The following LEKR1 variants were observed in gnomAD, a reference collection of about 807,000 sequenced individuals.
LEKR1 encodes leucine, glutamate and lysine rich 1.
In LEKR1, 59 loss-of-function variants were observed where a neutral mutation model predicts 72.4. The ratio of observed to expected loss-of-function variants is 0.82; its 90% CI spans 0.66 to 1.01. The LOEUF (loss-of-function observed/expected upper bound fraction) is 1.01. LEKR1 is among the 50% of genes least tolerant of loss of function. The pLI, the probability that LEKR1 is intolerant of heterozygous loss-of-function variation, is 0.00. For synonymous variants in LEKR1, 257 were observed against 263.2 expected (o/e 0.98, Z 0.23); for missense variants, 728 against 759.2 (o/e 0.96, Z 0.48).
Position 156,923,565 on chromosome 3 carries a change from C to T in LEKR1, c.383+2871C>T, listed in dbSNP as rs143502844. Among the ~76,000 whole-genome samples, 484 of 152,118 alleles carry T rather than the reference C, an allele frequency of 3.2e-3. 1 individual carries two copies. Among genetic ancestry groups the T allele is most frequent in the Non-Finnish European group, 5.5e-3 (373 of 68,008 alleles). ...ATGGATATACCACATTTTATTTATCCATTTACCAGTTGATGGATATTTGGA... is the reference window on the plus strand; with the variant it reads ...ATGGATATACCACATTTTATTTATCTATTTACCAGTTGATGGATATTTGGA... On this transcript the variant is annotated intron_variant, in intron 4 of 12. Transcript: ENST00000356539.
chr3:157,002,765 TAAAG>T (rs1732112643), intron 9 of LEKR1, among the ~76,000 whole-genome samples: 2 of 152,324 alleles, frequency 1.3e-5, no homozygotes, highest in East Asian at 3.9e-4. Flanking sequence ...AGAAATGTCA[TAAAG>T]AACTTCATAA....
At chr3:156,895,694 A>G (rs1261846562) in intron 3 of LEKR1, among the ~76,000 whole-genome samples, 2 of 152,180 alleles carry the variant, frequency 1.3e-5, no homozygotes, top group Non-Finnish European at 2.9e-5. Context: ...GGCAATTATT[A>G]TAAAGTCAAA....
chr3:156,886,231 G>T (rs560522718), intron 3 of LEKR1, among the ~76,000 whole-genome samples: 1 of 152,092 alleles, frequency 6.6e-6, no homozygotes, highest in South Asian at 2.1e-4. Flanking sequence ...CAGGGAAGTG[G>T]GGGATAGCCA....
chr3:156,844,074 T>C (rs1454718255), intron 2 of LEKR1, among the ~76,000 whole-genome samples: 1 of 152,134 alleles, frequency 6.6e-6, no homozygotes, highest in Non-Finnish European at 1.5e-5. Context: ...TAGAAGGTCA[T>C]TGAGTTTACT....
intron 6 of LEKR1, among the ~76,000 whole-genome samples, chr3:156,958,217 A>C (rs1727825206): frequency 6.6e-6 from 1 of 152,126 alleles, no homozygotes; most frequent in Admixed American, 6.6e-5. Flanking sequence ...CAGGGTCCCC[A>C]TATAGAAATT....
intron 6 of LEKR1, among the ~76,000 whole-genome samples, chr3:156,953,387 G>A (rs2874492): frequency 0.51 from 76,825 of 151,234 alleles, 21,166 homozygotes; most frequent in East Asian, 0.73. Flanking sequence ...CATGCAGGAT[G>A]TGCAGGTTTG....
intron 5 of LEKR1, among the ~76,000 whole-genome samples, chr3:156,933,835 A>T (rs947149091): frequency 3.3e-5 from 5 of 152,206 alleles, no homozygotes; most frequent in Non-Finnish European, 7.3e-5. Context: ...AATAACAAAC[A>T]AGGAGACACT....
intron 2 of LEKR1, among the ~76,000 whole-genome samples, chr3:156,832,271 G>A (rs1358198669): frequency 6.6e-6 from 1 of 152,184 alleles, no homozygotes; most frequent in Non-Finnish European, 1.5e-5. Flanking sequence ...CTGACCTGAA[G>A]CCTTAAGGGA....
intron 3 of LEKR1, among the ~76,000 whole-genome samples, chr3:156,902,372 A>C (rs939846915): frequency 2.0e-4 from 30 of 152,166 alleles, no homozygotes; most frequent in African/African-American, 6.8e-4. Flanking sequence ...AGTGAATGTC[A>C]GAAATTATTT....
chr3:157,035,845 C>T (rs868578916), intron 12 of LEKR1, among the ~76,000 whole-genome samples: 6 of 152,254 alleles, frequency 3.9e-5, no homozygotes, highest in Non-Finnish European at 7.4e-5. Context: ...GTTGCAGTAG[C>T]GGAGATCACA....
At chr3:157,042,714 C>T (rs974583887) in intron 12 of LEKR1, among the ~76,000 whole-genome samples, 3 of 152,226 alleles carry the variant, frequency 2.0e-5, no homozygotes, top group African/African-American at 4.8e-5. Flanking sequence ...CTTGTCATCA[C>T]ATCCTCCATC....
intron 3 of LEKR1, among the ~76,000 whole-genome samples, chr3:156,897,691 G>A (rs1285506994): frequency 1.3e-5 from 2 of 152,168 alleles, no homozygotes; most frequent in Non-Finnish European, 2.9e-5. Flanking sequence ...GGTGGCTCAC[G>A]CCTGTAATCC....
intron 6 of LEKR1, among the ~76,000 whole-genome samples, chr3:156,963,019 T>G (rs1728258200): frequency 6.6e-6 from 1 of 151,966 alleles, no homozygotes; most frequent in Admixed American, 6.5e-5. Flanking sequence ...AATTCACCCC[T>G]CTCAGATAGT....
chr3:156,923,833 T>C (rs996439131), intron 4 of LEKR1, among the ~76,000 whole-genome samples: 16 of 152,064 alleles, frequency 1.1e-4, no homozygotes, highest in African/African-American at 3.9e-4. Context: ...GTTCACGCCA[T>C]TCTCCTGCCT....
At chr3:156,883,508 C>T (rs1719711258) in intron 3 of LEKR1, among the ~76,000 whole-genome samples, 1 of 152,160 alleles carries the variant, frequency 6.6e-6, no homozygotes, top group African/African-American at 2.4e-5. Context: ...TATGGTTTGT[C>T]TGTGTCCTCA....
intron 11 of LEKR1, 114 bp downstream of exon 11, chr3:157,025,038 C>G: frequency 4.4e-6 from 3 of 687,012 alleles, no homozygotes; most frequent in Non-Finnish European, 7.2e-6. Context: ...CTCATGGTCA[C>G]TGTGTCTTGG....
At chr3:156,875,802 T>C (rs961431382) in intron 3 of LEKR1, among the ~76,000 whole-genome samples, 2 of 151,970 alleles carry the variant, frequency 1.3e-5, no homozygotes, top group African/African-American at 2.4e-5. Context: ...GAGACCATCC[T>C]CGCTAACATG....
intron 5 of LEKR1, among the ~76,000 whole-genome samples, chr3:156,935,694 G>T (rs1725632131): frequency 6.6e-6 from 1 of 152,168 alleles, no homozygotes; most frequent in South Asian, 2.1e-4. Context: ...AGCCTAAGAA[G>T]CATGCAGACC....
intron 1 of LEKR1, among the ~76,000 whole-genome samples, chr3:156,828,863 A>G (rs1478588722): frequency 1.3e-5 from 2 of 152,194 alleles, no homozygotes; most frequent in Non-Finnish European, 2.9e-5. Flanking sequence ...TCCAGCATTC[A>G]TGCCACAATT....
Sources: gnomAD v4.1 joint callset for allele counts (sites outside exome capture counted in the v4.1 genomes callset) on GRCh38, gnomAD v4.1.1 for gene constraint, MANE v1.5 for transcripts, NCBI Gene and HGNC (gene_info 2026-07-23, HGNC 2026-07-21) for gene names.